Variants in FUBP1 observed in about 807,000 individuals in gnomAD.
The protein encoded by FUBP1 is far upstream element binding protein 1, also known as far upstream element-binding protein 1.
FUBP1 carries 16 observed loss-of-function variants against 94.9 expected under a neutral mutation model. The ratio of observed to expected loss-of-function variants is 0.17; its 90% CI spans 0.11 to 0.26. The LOEUF is 0.26. Among genes scored for constraint, FUBP1 ranks in the 10% least tolerant of loss-of-function variants. FUBP1 has a pLI of 1.00. For missense variants in FUBP1, 583 were observed against 808.6 expected (o/e 0.72, Z 3.38); for synonymous variants, 279 against 254.9 (o/e 1.09, Z -0.90).
At chr1:77,968,361 A>T (rs1656903076) in intron 2 of FUBP1, among the ~76,000 whole-genome samples, 158 bp from the exon 3 acceptor site, 1 of 152,144 alleles carries the variant, frequency 6.6e-6, no homozygotes, top group African/African-American at 2.4e-5. Flanking sequence ...CAACTCAGTA[A>T]TCTAAAAAAG....
chr1:77,956,570 A>C lies in FUBP1; in HGVS notation c.1705+2T>G. The C allele has an allele frequency of 6.2e-7, 1 of 1,611,716 alleles. No individual in the cohort carries two copies. The highest frequency in any genetic ancestry group is 8.5e-7 in the Non-Finnish European group (1 of 1,177,992). On this transcript the variant is annotated splice_donor_variant, in intron 17 of 19. Transcript: ENST00000370768. LOFTEE classifies it high-confidence loss of function. The stretch of plus-strand genomic sequence containing the variant: ...TTCACATACAATAAGTTCTGTAGTT[A>C]CCTTGTCCATTAGTTTGAGTTGTAG...
chr1:77,966,125 C>T (rs187292483), intron 7 of FUBP1, among the ~76,000 whole-genome samples: 121 of 152,210 alleles, frequency 7.9e-4, no homozygotes, highest in African/African-American at 2.8e-3. Flanking sequence ...TTTAGGCACT[C>T]GAACACAAAA....
At chr1:77,976,974 G>T (rs905263343) in intron 1 of FUBP1, among the ~76,000 whole-genome samples, 2 of 152,020 alleles carry the variant, frequency 1.3e-5, no homozygotes, top group African/African-American at 2.4e-5. Context: ...TTTCTTCACT[G>T]GCCAAACTCT....
chr1:77,952,557 G>A (rs1311863774), intron 18 of FUBP1, among the ~76,000 whole-genome samples: 2 of 152,092 alleles, frequency 1.3e-5, no homozygotes, highest in East Asian at 3.8e-4. Context: ...CCTGCCACTG[G>A]AAAAGTCAAC....
rs534170147 is a variant in FUBP1 at position 77,978,754 on chromosome 1, C to T, written c.120+131G>A. ...AATCGTTATTACCAACATGGGGAAA[C>T]GTGTCTCTTCACATTTCAGCCCGGA... On this transcript the variant is annotated intron_variant, in intron 1 of 19. Coordinates refer to ENST00000370768, the MANE Select transcript of FUBP1 (RefSeq NM_003902.5). The T allele has an allele frequency of 4.4e-6, 5 of 1,128,198 alleles. No homozygotes were observed. In the East Asian group the frequency reaches 9.5e-5, roughly 21 times the overall value. The allele number at this position is 1,128,198 out of a possible 1,614,324, so 69.9% of individuals were successfully genotyped here.
chr1:77,967,532 C>CAG lies in FUBP1; in HGVS notation c.290+93_290+94dup, dbSNP rs531855616. On this transcript the variant is annotated intron_variant, in intron 4 of 19. Coordinates refer to ENST00000370768, the MANE Select transcript of FUBP1 (RefSeq NM_003902.5). ...TGAACTAGGTACACCAAAAAATACA[C>CAG]AGACACATATTCAATATACACCAAT... is the stretch of plus-strand genomic sequence containing the variant. 8.1e-4 allele frequency: 717 copies of CAG among 881,172 alleles called. 6 individuals carry two copies. The East Asian group carries it at 0.017, about 21-fold the overall frequency. The allele number at this position is 881,172 out of a possible 1,614,324, so 54.6% of individuals were successfully genotyped here. A position where few individuals can be genotyped will look rare whatever the true frequency, so the allele number is the denominator to read the frequency against.
At chr1:77,967,273 T>C (rs1380221082) in intron 4 of FUBP1, among the ~76,000 whole-genome samples, 172 bp from the exon 5 acceptor site, 1 of 152,158 alleles carries the variant, frequency 6.6e-6, no homozygotes, top group Non-Finnish European at 1.5e-5. Flanking sequence ...GTAGTTAAAT[T>C]AAGAAATTTA....
In FUBP1 at chr1:77,947,625, A is replaced by G; in HGVS notation, c.*1141T>C. On this transcript the variant is annotated 3_prime_UTR_variant, in exon 20 of 20. Coordinates refer to ENST00000370768, the MANE Select transcript of FUBP1 (RefSeq NM_003902.5). Reference sequence around the variant, plus strand: ...ATATTAATATGCAAAGAGCCAACAAATATGCAAAGAGTAAAACAATGGATT... The same window carrying G: ...ATATTAATATGCAAAGAGCCAACAAGTATGCAAAGAGTAAAACAATGGATT... The G allele has an allele frequency of 1.1e-6, 1 of 908,408 alleles. No homozygotes were observed. Among genetic ancestry groups the G allele is most frequent in the Non-Finnish European group, 1.6e-6 (1 of 621,744 alleles). The allele number at this position is 908,408 out of a possible 1,614,324, so 56.3% of individuals were successfully genotyped here. A position where few individuals can be genotyped will look rare whatever the true frequency, so the allele number is the denominator to read the frequency against.
intron 2 of FUBP1, 79 bp from the exon 3 acceptor site, chr1:77,968,282 T>C (rs551445292): frequency 1.4e-4 from 107 of 789,170 alleles, no homozygotes; most frequent in Non-Finnish European, 1.8e-4. Context: ...TAAATAACAA[T>C]ATAAACATTT....
intron 14 of FUBP1, among the ~76,000 whole-genome samples, chr1:77,962,011 G>A (rs1655574784): frequency 6.6e-6 from 1 of 152,072 alleles, no homozygotes; most frequent in South Asian, 2.1e-4. Context: ...TCACAGCATG[G>A]CAAACACCAA....
chr1:77,960,735 T>A (rs1655303460), intron 14 of FUBP1: 4 of 409,310 alleles, frequency 9.8e-6, no homozygotes, highest in Non-Finnish European at 1.7e-5. Context: ...AAATTAAATT[T>A]AAATTAGCAA....
In FUBP1 at chr1:77,948,740, G is replaced by A; in HGVS notation, c.*26C>T. The A allele has an allele frequency of 6.2e-7, 1 of 1,605,462 alleles. No homozygotes were observed. The highest frequency in any genetic ancestry group is 1.1e-5 in the South Asian group (1 of 89,020). On this transcript the variant is annotated 3_prime_UTR_variant, in exon 20 of 20. Coordinates refer to ENST00000370768, the MANE Select transcript of FUBP1 (RefSeq NM_003902.5). ...AGGTTTTTTTCCCCCACACAATGAAGCAAATACTGTATTGTCCACTTCTTA... is the reference window on the plus strand; with the variant it reads ...AGGTTTTTTTCCCCCACACAATGAAACAAATACTGTATTGTCCACTTCTTA...
intron 14 of FUBP1, 167 bp from the exon 15 acceptor site, chr1:77,960,662 A>G: frequency 1.9e-6 from 1 of 535,626 alleles, no homozygotes; most frequent in Non-Finnish European, 3.3e-6. Context: ...CATCTGCCAT[A>G]ATAATGAGAC....
chr1:77,949,002 A>C (rs560036194), intron 19 of FUBP1, 153 bp downstream of exon 19: 1 of 939,162 alleles, frequency 1.1e-6, no homozygotes, highest in Admixed American at 2.4e-5. Context: ...AAAAACAAAA[A>C]AACCCAAACA....
In FUBP1 at chr1:77,948,596, T is replaced by C. The variant is rs1426271683; in HGVS notation, c.*170A>G. On this transcript the variant is annotated 3_prime_UTR_variant, in exon 20 of 20. Transcript: ENST00000370768. ...TCTACACAGAAATATTAACCTCCTA[T>C]CAGTAGTGATAGATATTTTGTACAT... 9.0e-6 allele frequency: 11 copies of C among 1,217,390 alleles called. No individual in the cohort carries two copies. Among genetic ancestry groups the C allele is most frequent in the Non-Finnish European group, 1.2e-5 (11 of 924,994 alleles). The allele number at this position is 1,217,390 out of a possible 1,614,324, so 75.4% of individuals were successfully genotyped here.
At chr1:77,979,466 AGGGCGTGACAACGAC>A (rs1366315970), upstream of FUBP1, 1 of 159,270 alleles carries the variant, frequency 6.3e-6, no homozygotes, top group African/African-American at 2.4e-5. Flanking sequence ...TCCGCGGGGA[AGGGCGTGACAACGAC>A]GGGCGTGACG....
intron 1 of FUBP1, among the ~76,000 whole-genome samples, chr1:77,977,342 G>C (rs745788939): frequency 6.6e-6 from 1 of 151,934 alleles, no homozygotes; most frequent in East Asian, 1.9e-4. Context: ...TGTCTCTACT[G>C]AAAACAAACA....
chr1:77,976,229 G>A (rs1658564829), intron 1 of FUBP1, among the ~76,000 whole-genome samples: 1 of 152,190 alleles, frequency 6.6e-6, no homozygotes, highest in South Asian at 2.1e-4. Context: ...TTTTGTCTAA[G>A]TACGCTTCTG....
In FUBP1 at chr1:77,945,340, G is replaced by A. The variant is rs932463337; in HGVS notation, c.*3426C>T. On this transcript the variant is annotated 3_prime_UTR_variant, in exon 20 of 20. Transcript: ENST00000370768. ...AACATAACATACACATAAATGTGGT[G>A]TAGTAACTATGTAACTTAAGAAATT... Among the ~76,000 whole-genome samples, 2 of 151,958 alleles carry A rather than the reference G, an allele frequency of 1.3e-5. No individual in the cohort carries two copies. Among genetic ancestry groups the A allele is most frequent in the Admixed American group, 6.6e-5 (1 of 15,256 alleles).
Sources: allele counts gnomAD v4.1 joint callset (sites outside exome capture counted in the v4.1 genomes callset), GRCh38; gene constraint gnomAD v4.1.1; transcripts MANE v1.5; gene names NCBI Gene and HGNC (gene_info 2026-07-23, HGNC 2026-07-21).